Variants in BPTF observed in about 807,000 individuals in gnomAD.
The protein encoded by BPTF is nucleosome-remodeling factor subunit BPTF.
A neutral mutation model predicts 292.5 loss-of-function variants in BPTF; 18 were observed. The observed-to-expected ratio is 0.06, with a 90% CI of 0.04 to 0.09. The LOEUF (loss-of-function observed/expected upper bound fraction) is 0.09, where lower values mean the gene tolerates loss of function less well. BPTF is among the 10% of genes least tolerant of loss of function. The probability of loss-of-function intolerance (pLI) is 1.00; values close to 1 mark genes in which losing one functional copy is unlikely to be tolerated. For synonymous variants in BPTF, 1,225 were observed against 1,251.9 expected (o/e 0.98, Z 0.45); for missense variants, 2,726 against 3,498.7 (o/e 0.78, Z 5.57).
rs368507665 is a variant in BPTF, at chr17:67,826,365, C to T, written c.613+28C>T. The T allele has an allele frequency of 8.0e-5, 127 of 1,586,032 alleles. No homozygotes were observed. The South Asian group carries it at 1.0e-3, about 13-fold the overall frequency. ...ACCCACCCAGCCCAGTTGCTGCAGA[C>T]TCCTTCCCCACCTCCTCTGCCCTCC... On this transcript the variant is annotated intron_variant, in intron 1 of 27. Transcript: ENST00000306378.
chr17:67,875,153 C>A, intron 4 of BPTF, 133 bp downstream of exon 4: 1 of 743,856 alleles, frequency 1.3e-6, no homozygotes, highest in Non-Finnish European at 2.2e-6. Flanking sequence ...GATCAGGATA[C>A]CGTCCCCTCT....
chr17:67,850,292 A>C (rs2058313242), intron 1 of BPTF, among the ~76,000 whole-genome samples: 1 of 152,222 alleles, frequency 6.6e-6, no homozygotes, highest in African/African-American at 2.4e-5. Context: ...GTATGTATTC[A>C]TCCGTAAGTA....
Position 67,948,387 on chromosome 17 carries a change from G to A in BPTF, c.7926+81G>A, listed in dbSNP as rs529920289. On this transcript the variant is annotated intron_variant, in intron 23 of 27. Transcript: ENST00000306378. The stretch of plus-strand genomic sequence containing the variant: ...TTTTTTCCCTTGCCTTTTTAATAAA[G>A]CTTAAAATTTCAGTATGTTTTCTAG... 13 of 1,285,476 alleles carry A rather than the reference G, an allele frequency of 1.0e-5. No individual in the cohort carries two copies. In the African/African-American group the frequency reaches 1.1e-4, roughly 10 times the overall value. 79.6% of individuals were successfully genotyped at this position (1,285,476 alleles called of 1,614,324 possible).
intron 2 of BPTF, among the ~76,000 whole-genome samples, chr17:67,855,647 T>C (rs1384584223): frequency 6.6e-6 from 1 of 152,196 alleles, no homozygotes; most frequent in Non-Finnish European, 1.5e-5. Flanking sequence ...AGGGTTTACC[T>C]CAGTCAGGGC....
chr17:67,940,890 A>G (rs1191867676), intron 19 of BPTF, among the ~76,000 whole-genome samples: 1 of 152,206 alleles, frequency 6.6e-6, no homozygotes, highest in African/African-American at 2.4e-5. Context: ...TTTAAACACC[A>G]AAATTTTATT....
At chr17:67,903,160 G>A (rs1388266071) in intron 7 of BPTF, among the ~76,000 whole-genome samples, 2 of 152,220 alleles carry the variant, frequency 1.3e-5, no homozygotes, top group East Asian at 3.8e-4. Flanking sequence ...TTTCTCTGCG[G>A]ATGTAAGAAA....
chr17:67,937,044 C>G (rs2064968640), intron 18 of BPTF, among the ~76,000 whole-genome samples: 1 of 152,056 alleles, frequency 6.6e-6, no homozygotes, highest in Non-Finnish European at 1.5e-5. Flanking sequence ...AAATAATGCC[C>G]TCATGAAACT....
chr17:67,943,393 C>T (rs781928593), intron 19 of BPTF, among the ~76,000 whole-genome samples: 6 of 152,214 alleles, frequency 3.9e-5, no homozygotes, highest in South Asian at 2.1e-4. Context: ...CTTTCCAGTT[C>T]TCCAGCATGT....
chr17:67,925,924 G>T (rs2063833662), intron 15 of BPTF, among the ~76,000 whole-genome samples: 1 of 150,672 alleles, frequency 6.6e-6, no homozygotes, highest in Admixed American at 6.6e-5. Context: ...ATAACAACTG[G>T]CTAGTTGTAT....
intron 2 of BPTF, among the ~76,000 whole-genome samples, chr17:67,862,055 A>G (rs1274130076): frequency 6.6e-6 from 1 of 152,196 alleles, no homozygotes; most frequent in African/African-American, 2.4e-5. Context: ...GCTTCACTGC[A>G]ACCTCCGCCT....
intron 24 of BPTF, among the ~76,000 whole-genome samples, chr17:67,962,896 A>T (rs1405546035): frequency 6.6e-6 from 1 of 152,236 alleles, no homozygotes; most frequent in Non-Finnish European, 1.5e-5. Flanking sequence ...ATTGTGAGAT[A>T]CATTTTCAAA....
At chr17:67,948,350 C>A in intron 23 of BPTF, 44 bp downstream of exon 23, 2 of 1,505,304 alleles carry the variant, frequency 1.3e-6, no homozygotes, top group Non-Finnish European at 1.8e-6. Flanking sequence ...TGTTTAACAT[C>A]TGAGGTTCTG....
In BPTF at chr17:67,964,574, T is replaced by C. The variant is rs191991429; in HGVS notation, c.8454+170T>C. On this transcript the variant is annotated intron_variant, in intron 25 of 27. Coordinates refer to ENST00000306378, the MANE Select transcript of BPTF (RefSeq NM_182641.4). ...CCTTCACGTACCAGTGCCATGAGCT[T>C]TACCATATCCCCACACCACGTCAGC... 2.0e-5 allele frequency among the ~76,000 whole-genome samples: 3 copies of C among 152,314 alleles called. No homozygotes were observed. In the East Asian group the frequency reaches 5.8e-4, roughly 29 times the overall value.
chr17:67,884,669 A>G (rs904151950), intron 4 of BPTF, among the ~76,000 whole-genome samples: 5 of 151,270 alleles, frequency 3.3e-5, no homozygotes, highest in African/African-American at 4.9e-5. Context: ...GCCTGCCTCA[A>G]CCTCCCAAAT....
intron 1 of BPTF, among the ~76,000 whole-genome samples, chr17:67,831,711 AC>A (rs1224214435): frequency 1.3e-5 from 2 of 152,094 alleles, no homozygotes; most frequent in East Asian, 3.9e-4. Flanking sequence ...TCTGGGTGAC[AC>A]AGGAGCAAAT....
chr17:67,858,645 T>C (rs1426953546), intron 2 of BPTF, among the ~76,000 whole-genome samples: 1 of 152,072 alleles, frequency 6.6e-6, no homozygotes, highest in Non-Finnish European at 1.5e-5. Context: ...GCCCGGTGCT[T>C]GTACTCTGTA....
chr17:67,892,534 G>C (rs1287069685), intron 5 of BPTF, among the ~76,000 whole-genome samples: 1 of 152,196 alleles, frequency 6.6e-6, no homozygotes, highest in African/African-American at 2.4e-5. Flanking sequence ...CTAGGACTCG[G>C]TATCTCTGTG....
intron 1 of BPTF, among the ~76,000 whole-genome samples, chr17:67,839,734 A>G (rs961691188): frequency 1.2e-4 from 18 of 152,210 alleles, no homozygotes; most frequent in African/African-American, 4.3e-4. Context: ...TTTGGCAACT[A>G]TGAATAAAGT....
intron 7 of BPTF, among the ~76,000 whole-genome samples, chr17:67,897,223 C>T (rs2061506086): frequency 6.6e-6 from 1 of 151,062 alleles, no homozygotes; most frequent in East Asian, 1.9e-4. Context: ...TGCCTGTAAT[C>T]CCAGCTACTC....
Sources: gnomAD v4.1 joint callset for allele counts (sites outside exome capture counted in the v4.1 genomes callset) on GRCh38, gnomAD v4.1.1 for gene constraint, MANE v1.5 for transcripts, NCBI Gene and HGNC (gene_info 2026-07-23, HGNC 2026-07-21) for gene names.